Variants in STYXL1 observed in about 807,000 individuals in gnomAD.
The protein encoded by STYXL1 is serine/threonine/tyrosine interacting like 1, also known as serine/threonine/tyrosine-interacting-like protein 1.
In STYXL1, 32 loss-of-function variants were observed where a neutral mutation model predicts 36.4. The observed-to-expected ratio is 0.88, with a 90% CI of 0.66 to 1.18. The LOEUF (loss-of-function observed/expected upper bound fraction) is 1.18. Ranked by LOEUF, STYXL1 falls within the 50% of genes most tolerant of loss-of-function variation. STYXL1 has a pLI of 0.00. For missense variants in STYXL1, 354 were observed against 394.1 expected, an observed-to-expected ratio of 0.90 and a Z score of 0.86; for synonymous variants, 133 against 144.1, an observed-to-expected ratio of 0.92 and a Z score of 0.55.
intron 1 of STYXL1, among the ~76,000 whole-genome samples, chr7:76,041,821 G>A (rs184091598): frequency 1.6e-4 from 24 of 152,252 alleles, no homozygotes; most frequent in East Asian, 9.6e-4. Context: ...GCAACTTTAC[G>A]ATCATAGAAA....
Position 76,047,989 on chromosome 7 carries a change from A to G in STYXL1, c.-332T>C. On this transcript the variant is annotated 5_prime_UTR_variant, in exon 1 of 9. Transcript: ENST00000359697. ...GATGGTCCCACAGCTTTCCTTTCCGACTCCCGGAAGTGGCCGTGATCTCAC... is the reference window on the plus strand; with the variant it reads ...GATGGTCCCACAGCTTTCCTTTCCGGCTCCCGGAAGTGGCCGTGATCTCAC... 1 of 1,487,018 alleles carries G rather than the reference A, an allele frequency of 6.7e-7. No individual in the cohort carries two copies. The highest frequency in any genetic ancestry group is 1.3e-5 in the South Asian group (1 of 77,316). 92.1% of individuals were successfully genotyped at this position (1,487,018 alleles called of 1,614,324 possible). A position where few individuals can be genotyped will look rare whatever the true frequency, so the allele number is the denominator to read the frequency against.
chr7:76,000,838 C>A, intron 8 of STYXL1, 52 bp downstream of exon 8: 2 of 1,545,598 alleles, frequency 1.3e-6, no homozygotes, highest in East Asian at 4.5e-5. Flanking sequence ...GCGCTCTGAC[C>A]TCACCTCCCA....
At chr7:76,027,163 C>T (rs938766195) in intron 3 of STYXL1, among the ~76,000 whole-genome samples, 3 of 151,984 alleles carry the variant, frequency 2.0e-5, no homozygotes, top group African/African-American at 7.2e-5. Context: ...AGGGGAGAGA[C>T]GGGTCCTGGG....
At chr7:76,039,829 TAG>T (rs1220055435) in intron 1 of STYXL1, among the ~76,000 whole-genome samples, 1 of 151,990 alleles carries the variant, frequency 6.6e-6, no homozygotes, top group East Asian at 1.9e-4. Context: ...TGTATTTTTA[TAG>T]AGACGGGGTT....
intron 7 of STYXL1, among the ~76,000 whole-genome samples, chr7:76,003,305 T>C (rs1294013748): frequency 6.6e-6 from 1 of 152,172 alleles, no homozygotes; most frequent in Non-Finnish European, 1.5e-5. Context: ...AAAGAAAATC[T>C]TGGAAGTCAG....
intron 8 of STYXL1, chr7:76,000,381 C>T: frequency 2.2e-6 from 1 of 456,486 alleles, no homozygotes; most frequent in South Asian, 1.5e-5. Flanking sequence ...TTTGTAGGTC[C>T]TATCAAGCCC....
chr7:76,043,481 G>A (rs954457944), intron 1 of STYXL1, among the ~76,000 whole-genome samples: 28 of 152,172 alleles, frequency 1.8e-4, no homozygotes, highest in African/African-American at 6.0e-4. Context: ...GAGGGCCACC[G>A]AGAGGGAAAA....
chr7:76,012,256 G>C (rs1792648021), intron 5 of STYXL1, among the ~76,000 whole-genome samples: 1 of 152,158 alleles, frequency 6.6e-6, no homozygotes, highest in Non-Finnish European at 1.5e-5. Flanking sequence ...ACAGGTGTGA[G>C]TCGCCACACC....
At chr7:76,028,809 G>A in intron 2 of STYXL1, 106 bp from the exon 3 acceptor site, 1 of 1,005,804 alleles carries the variant, frequency 9.9e-7, no homozygotes, top group Non-Finnish European at 1.5e-6. Context: ...GCAGTTAAGG[G>A]ATAGTCATTG....
chr7:76,016,310 A>G (rs978908946), intron 4 of STYXL1, among the ~76,000 whole-genome samples: 2 of 151,612 alleles, frequency 1.3e-5, no homozygotes, highest in Admixed American at 6.6e-5. Context: ...GTGTATATAT[A>G]CACGTATATC....
At chr7:76,026,557 C>A (rs1554577788) in intron 3 of STYXL1, among the ~76,000 whole-genome samples, 4 of 152,300 alleles carry the variant, frequency 2.6e-5, no homozygotes, top group African/African-American at 9.6e-5. Flanking sequence ...GCTAGGATTA[C>A]AGGAGTAAGC....
At position 76,029,233 on chromosome 7, in the gene STYXL1, G is replaced by A. The variant is rs186199703; in HGVS notation, c.104-530C>T. On this transcript the variant is annotated intron_variant, in intron 2 of 8. Coordinates refer to ENST00000359697, the MANE Select transcript of STYXL1 (RefSeq NM_001317785.2). ...ATGATCTCGGCTCACTGCAATCTCC[G>A]TCTCCTGGGTTCAAGCGATTTTCCT... 1.4e-3 allele frequency among the ~76,000 whole-genome samples: 219 copies of A among 152,104 alleles called. 4 individuals carry two copies. Among genetic ancestry groups the A allele is most frequent in the Non-Finnish European group, 1.0e-3 (68 of 67,998 alleles).
intron 4 of STYXL1, among the ~76,000 whole-genome samples, chr7:76,015,535 G>GA (rs782097821): frequency 3.9e-5 from 6 of 152,146 alleles, no homozygotes; most frequent in Non-Finnish European, 8.8e-5. Context: ...CTAAGGACAC[G>GA]AAAGTGCTTC....
chr7:76,013,416 TTTG>T (rs1554572798), intron 5 of STYXL1, among the ~76,000 whole-genome samples: 46 of 151,612 alleles, frequency 3.0e-4, no homozygotes, highest in African/African-American at 1.1e-3. Flanking sequence ...TAGTTTTTTT[TTTG>T]TTTGTTTTTG....
At chr7:76,036,823 T>A (rs868939296) in intron 1 of STYXL1, among the ~76,000 whole-genome samples, 1 of 138,566 alleles carries the variant, frequency 7.2e-6, no homozygotes, top group Non-Finnish European at 1.6e-5. Flanking sequence ...CCCACTCTGT[T>A]GCCCAGGCTG....
chr7:76,030,565 CTATT>C, intron 1 of STYXL1, 38 bp from the exon 2 acceptor site: 1 of 1,288,696 alleles, frequency 7.8e-7, no homozygotes, highest in Non-Finnish European at 1.1e-6. Context: ...TAACATAACT[CTATT>C]TTAGATGAAT....
chr7:76,024,373 C>G (rs540079911), intron 3 of STYXL1, among the ~76,000 whole-genome samples: 1 of 152,270 alleles, frequency 6.6e-6, no homozygotes, highest in South Asian at 2.1e-4. Context: ...CATCCCAGCA[C>G]TATGGGAGGC....
rs1791297704 is a variant in STYXL1, at chr7:76,003,856, C to G, written c.600-1G>C. On this transcript the variant is annotated splice_acceptor_variant, in intron 6 of 8. Transcript: ENST00000359697. LOFTEE classifies it high-confidence loss of function. ...AAGCTTGTCAGCATCGCCTGCAAAA[C>G]TACACGGAAGGACCACACAGGTCAT... 1 of 1,613,974 alleles carries G rather than the reference C, an allele frequency of 6.2e-7. No individual in the cohort carries two copies. Among genetic ancestry groups the G allele is most frequent in the Non-Finnish European group, 8.5e-7 (1 of 1,179,982 alleles).
At chr7:76,026,128 C>T (rs1176181344) in intron 3 of STYXL1, among the ~76,000 whole-genome samples, 1 of 119,832 alleles carries the variant, frequency 8.3e-6, no homozygotes, top group African/African-American at 3.2e-5. Flanking sequence ...GGAGGTGGAG[C>T]GTGCAGCGAG....
Sources: gnomAD v4.1 joint callset for allele counts (sites outside exome capture counted in the v4.1 genomes callset) on GRCh38, gnomAD v4.1.1 for gene constraint, MANE v1.5 for transcripts, NCBI Gene and HGNC (gene_info 2026-07-23, HGNC 2026-07-21) for gene names.